EBF2: variants seen among roughly 807,000 people sequenced by gnomAD.
EBF2 encodes transcription factor COE2.
EBF2 carries 21 observed loss-of-function variants against 72.8 expected under a neutral mutation model. The ratio of observed to expected loss-of-function variants is 0.29; its 90% CI spans 0.20 to 0.42. The LOEUF (loss-of-function observed/expected upper bound fraction) is 0.42, where lower values mean the gene tolerates loss of function less well. Ranked by LOEUF, EBF2 falls within the 10% of genes least tolerant of loss-of-function variation. EBF2 has a pLI of 1.00. For synonymous variants in EBF2, 299 were observed against 274.2 expected, an observed-to-expected ratio of 1.09 and a Z score of -0.89; for missense variants, 637 against 731.2, an observed-to-expected ratio of 0.87 and a Z score of 1.49.
rs35245247 is a variant in EBF2, at chr8:25,846,238, A to AT, written c.1697-1599dup. 2.3e-3 allele frequency among the ~76,000 whole-genome samples: 352 copies of AT among 150,328 alleles called. 2 individuals are homozygous for AT. Among genetic ancestry groups the AT allele is most frequent in the African/African-American group, 8.1e-3 (331 of 40,930 alleles). On this transcript the variant is annotated intron_variant, in intron 15 of 15. Transcript: ENST00000520164. Reference sequence around the variant, plus strand: ...AGAGTGTAGGAGGTTTTTTTATTTTATTTTTTTTTTCCTGGAGGGAGCTGG... The same window carrying AT: ...AGAGTGTAGGAGGTTTTTTTATTTTATTTTTTTTTTTCCTGGAGGGAGCTGG...
At chr8:25,947,470 T>C (rs1444032576) in intron 6 of EBF2, among the ~76,000 whole-genome samples, 3 of 152,204 alleles carry the variant, frequency 2.0e-5, no homozygotes, top group Non-Finnish European at 4.4e-5. Context: ...ACGCATGCTG[T>C]AGCCCTAGTC....
chr8:26,034,759 G>A (rs1312089995), intron 5 of EBF2, among the ~76,000 whole-genome samples: 3 of 152,192 alleles, frequency 2.0e-5, no homozygotes, highest in African/African-American at 7.2e-5. Flanking sequence ...CATACTGGTT[G>A]GAGAATATGC....
At chr8:25,981,493 C>T (rs1314792854) in intron 6 of EBF2, among the ~76,000 whole-genome samples, 1 of 152,054 alleles carries the variant, frequency 6.6e-6, no homozygotes, top group Non-Finnish European at 1.5e-5. Flanking sequence ...CAACATGCAC[C>T]TGCATTTCCC....
At chr8:25,850,852 T>G (rs1801953044) in intron 14 of EBF2, 91 bp from the exon 15 acceptor site, 2 of 1,409,388 alleles carry the variant, frequency 1.4e-6, no homozygotes. Flanking sequence ...ATTGTTAATT[T>G]CCATGCATTG....
At chr8:26,036,560 A>G (rs367761525) in intron 5 of EBF2, among the ~76,000 whole-genome samples, 2 of 147,726 alleles carry the variant, frequency 1.4e-5, no homozygotes, top group Admixed American at 1.4e-4. Context: ...TTTTTTTTTT[A>G]GAAAAGTTCT....
intron 7 of EBF2, 124 bp from the exon 8 acceptor site, chr8:25,889,993 T>G: frequency 1.3e-6 from 1 of 775,480 alleles, no homozygotes; most frequent in Non-Finnish European, 2.2e-6. Context: ...GGGACAGAAC[T>G]TGGGACTCAA....
At chr8:26,008,159 G>A (rs1585225340) in intron 6 of EBF2, among the ~76,000 whole-genome samples, 1 of 151,732 alleles carries the variant, frequency 6.6e-6, no homozygotes, top group South Asian at 2.1e-4. Context: ...CACGGGTATG[G>A]GTCTATGTTT....
At position 26,033,081 on chromosome 8, in the gene EBF2, CT is replaced by C. The variant is rs1457328863; in HGVS notation, c.551+3del. 4 of 1,613,824 alleles carry C rather than the reference CT, an allele frequency of 2.5e-6. No individual in the cohort carries two copies. The highest frequency in any genetic ancestry group is 3.4e-6 in the Non-Finnish European group (4 of 1,179,738). On this transcript the variant is annotated splice_donor_region_variant and intron_variant, in intron 6 of 15. Coordinates refer to ENST00000520164, the MANE Select transcript of EBF2 (RefSeq NM_022659.4). ...ATGATTGAAAAATCACTTTTTCCCC[CT>C]ACCTGTCAATTATGACTGGGTCCGA... is the stretch of plus-strand genomic sequence containing the variant.
intron 6 of EBF2, among the ~76,000 whole-genome samples, chr8:25,954,395 C>T (rs967588985): frequency 1.3e-5 from 2 of 152,164 alleles, no homozygotes; most frequent in African/African-American, 2.4e-5. Flanking sequence ...CACCTTCGCG[C>T]GCAGGGAGAT....
intron 10 of EBF2, 73 bp from the exon 11 acceptor site, chr8:25,862,870 A>G: frequency 3.5e-6 from 4 of 1,158,678 alleles, no homozygotes; most frequent in Non-Finnish European, 4.8e-6. Context: ...ATTCTTCCAC[A>G]GGTAATAAGA....
chr8:26,034,714 G>T (rs1431073138), intron 5 of EBF2, among the ~76,000 whole-genome samples: 1 of 152,188 alleles, frequency 6.6e-6, no homozygotes, highest in Admixed American at 6.5e-5. Flanking sequence ...TAAGGATGTA[G>T]CCTTGACATG....
At chr8:26,002,737 G>A (rs185762303) in intron 6 of EBF2, among the ~76,000 whole-genome samples, 8 of 152,268 alleles carry the variant, frequency 5.3e-5, no homozygotes, top group East Asian at 1.9e-4. Flanking sequence ...GATTCTTCCC[G>A]GCTGCGTCTC....
chr8:26,040,360 T>G (rs545177504), intron 4 of EBF2, among the ~76,000 whole-genome samples: 1 of 151,766 alleles, frequency 6.6e-6, no homozygotes, highest in South Asian at 2.1e-4. Context: ...AATTGTTTCC[T>G]CTCCATCCTT....
chr8:25,850,740 A>G lies in EBF2; in HGVS notation c.1550T>C (p.Val517Ala), dbSNP rs990286158. 4 of 1,561,902 alleles carry G rather than the reference A, an allele frequency of 2.6e-6. No individual in the cohort carries two copies. Among genetic ancestry groups the G allele is most frequent in the Non-Finnish European group, 3.4e-6 (4 of 1,161,666 alleles). ...GATGGAGGATGTGCTGGAAGACCCA[A>G]CGGTGGGACTTGATGACATGACTGG... ...PYGIMSSSPT[V>A]GSSSTSSILP... Residue 517 changes from valine (V) to alanine (A), a missense_variant, in exon 15 of 16, where the codon GTT becomes GCT. Physicochemically the swap from Val to Ala is moderately conservative, Grantham distance 64. Around this residue, in one of 3 missense-constraint regions of EBF2, gnomAD observed 259 missense variants for 268.1 expected, o/e 0.97. Transcript: ENST00000520164.
chr8:25,887,986 A>G lies in EBF2; in HGVS notation c.752-14T>C. On this transcript the variant is annotated splice_polypyrimidine_tract_variant and intron_variant, in intron 8 of 15. Coordinates refer to ENST00000520164, the MANE Select transcript of EBF2 (RefSeq NM_022659.4). ...TGCAGGGGGTAGCTAAGAAGACAGG[A>G]AAGAAAAAGTCAGGTTTGTTCTTTC... 6.3e-7 allele frequency: 1 copy of G among 1,596,670 alleles called. No individual in the cohort carries two copies. Among genetic ancestry groups the G allele is most frequent in the Non-Finnish European group, 8.5e-7 (1 of 1,172,810 alleles).
At chr8:25,996,010 A>G (rs1804621399) in intron 6 of EBF2, among the ~76,000 whole-genome samples, 1 of 152,118 alleles carries the variant, frequency 6.6e-6, no homozygotes, top group Admixed American at 6.5e-5. Flanking sequence ...TAAACAAGGT[A>G]GGGCCAGGTA....
intron 6 of EBF2, among the ~76,000 whole-genome samples, chr8:26,030,282 C>A (rs1805376774): frequency 6.6e-6 from 1 of 152,142 alleles, no homozygotes; most frequent in Non-Finnish European, 1.5e-5. Flanking sequence ...CAATTCCCAC[C>A]TATGAGGGAG....
At chr8:25,889,615 T>A in intron 8 of EBF2, 137 bp downstream of exon 8, 3 of 665,502 alleles carry the variant, frequency 4.5e-6, no homozygotes, top group Non-Finnish European at 7.6e-6. Flanking sequence ...TGTTTACAAC[T>A]TCGTTTAAAA....
rs529566893 is a variant in EBF2 at position 25,960,502 on chromosome 8, T to C, written c.552-51947A>G. On this transcript the variant is annotated intron_variant, in intron 6 of 15. Coordinates refer to ENST00000520164, the MANE Select transcript of EBF2 (RefSeq NM_022659.4). ...ATATCTATCAGATCTCCTCGGGATA[T>C]TGAATGAGGGATTAAAATTGTAGAG... 1.5e-4 allele frequency among the ~76,000 whole-genome samples: 23 copies of C among 152,266 alleles called. No homozygotes were observed. In the East Asian group the frequency reaches 1.7e-3, roughly 11 times the overall value.
Sources: gnomAD v4.1 joint callset for allele counts (sites outside exome capture counted in the v4.1 genomes callset) on GRCh38, gnomAD v4.1.1 for gene constraint, gnomAD v4.1.1 regional missense constraint, MANE v1.5 for transcripts, NCBI Gene and HGNC (gene_info 2026-07-23, HGNC 2026-07-21) for gene names.